COL5A1: variants seen among roughly 807,000 people sequenced by gnomAD.
The protein encoded by COL5A1 is collagen type V alpha 1 chain, also known as collagen alpha-1(V) chain.
A neutral mutation model predicts 263.7 loss-of-function variants in COL5A1; 16 were observed. The observed-to-expected ratio is 0.06, with a 90% confidence interval of 0.04 to 0.09. The LOEUF is 0.09. Ranked by LOEUF, COL5A1 falls within the 10% of genes least tolerant of loss-of-function variation. The pLI is 1.00. For missense variants in COL5A1, 2,036 were observed against 2,540.5 expected (o/e 0.80, Z 4.27); for synonymous variants, 1,012 against 1,004.5 (o/e 1.01, Z -0.14).
At chr9:134,712,041 G>C (rs28503861) in intron 4 of COL5A1, among the ~76,000 whole-genome samples, 1 of 19,566 alleles carries the variant, frequency 5.1e-5, no homozygotes, top group African/African-American at 2.1e-4. Context: ...CCTTCTTCCT[G>C]CCCCCTTCTT....
intron 32 of COL5A1, among the ~76,000 whole-genome samples, chr9:134,792,878 C>T (rs1323699729): frequency 1.7e-4 from 5 of 30,136 alleles, no homozygotes; most frequent in African/African-American, 6.2e-4. Flanking sequence ...CGCGTTTGTG[C>T]ACACGTGTGT....
In COL5A1 at chr9:134,763,737, C is replaced by T. The variant is rs373100663; in HGVS notation, c.2034C>T (p.Pro678=). ...GGCCCAGGGGGCTGCCTGGGGAGCC[C>T]GTAAGTCTGTGAGCTGAGTGGGACG... ...EVGPRGLPGE[P]GPRGLLGPKG... The change falls in exon 20 of 66, where the codon CCC becomes CCT. Residue 678 remains proline (P), a splice_region_variant and synonymous_variant. Transcript: ENST00000371817. 35 of 1,613,312 alleles carry T rather than the reference C, an allele frequency of 2.2e-5. No individual in the cohort carries two copies. The highest frequency in any genetic ancestry group is 4.0e-5 in the African/African-American group (3 of 74,874).
chr9:134,769,362 TG>T (rs1222360786), intron 25 of COL5A1, among the ~76,000 whole-genome samples: 1 of 152,200 alleles, frequency 6.6e-6, no homozygotes, highest in African/African-American at 2.4e-5. Flanking sequence ...CGCGCAGCTG[TG>T]GGGCCCCGTG....
At chr9:134,790,212 A>G (rs1403784846) in intron 32 of COL5A1, among the ~76,000 whole-genome samples, 9 of 152,216 alleles carry the variant, frequency 5.9e-5, no homozygotes, top group Non-Finnish European at 1.0e-4. Context: ...AAAATAGGAA[A>G]AAGAAGTCTG....
At chr9:134,766,063 A>C (rs1836650405) in intron 21 of COL5A1, among the ~76,000 whole-genome samples, 1 of 152,176 alleles carries the variant, frequency 6.6e-6, no homozygotes, top group South Asian at 2.1e-4. Flanking sequence ...TGCTAGAAAG[A>C]ACTTCCAGCA....
chr9:134,655,613 T>G (rs1217598361), intron 1 of COL5A1, among the ~76,000 whole-genome samples: 3 of 152,098 alleles, frequency 2.0e-5, no homozygotes, highest in Non-Finnish European at 4.4e-5. Flanking sequence ...ACTATTACTG[T>G]GTGTCCCAGG....
At chr9:134,760,339 ACACC>A (rs1346680317) in intron 18 of COL5A1, among the ~76,000 whole-genome samples, 2 of 75,472 alleles carry the variant, frequency 2.6e-5, no homozygotes, top group African/African-American at 1.4e-4. Context: ...ACATGCACAC[ACACC>A]CCCACACACC....
chr9:134,702,024 G>A (rs537971125), intron 4 of COL5A1, among the ~76,000 whole-genome samples: 123 of 152,270 alleles, frequency 8.1e-4, no homozygotes, highest in South Asian at 2.7e-3. Context: ...CAGCTGCCCC[G>A]GGTGGGGGCG....
chr9:134,819,103 T>A (rs202198417), intron 57 of COL5A1, 50 bp downstream of exon 57: 3 of 1,591,504 alleles, frequency 1.9e-6, no homozygotes, highest in Non-Finnish European at 2.6e-6. Flanking sequence ...GCCTTCAAAT[T>A]TGTGGCCGTG....
At chr9:134,782,522 C>A in intron 28 of COL5A1, 145 bp from the exon 29 acceptor site, 2 of 802,586 alleles carry the variant, frequency 2.5e-6, no homozygotes, top group Non-Finnish European at 4.5e-6. Context: ...AGGGATGGGC[C>A]CCAAGCCCAC....
chr9:134,841,637 A>AAG lies in COL5A1; in HGVS notation c.5371-520_5371-519insAG, dbSNP rs1830105022. On this transcript the variant is annotated intron_variant, in intron 65 of 65. Transcript: ENST00000371817. This position sits in a 1 kb window ranked among gnomAD's most constrained non-coding sequence, Gnocchi z 4.8. ...ACCCAGCCCACCGAGTGCCTAAGGC[A>AAG]GTGTGTGGCAGGTGGTCGTAGGGGG... Among the ~76,000 whole-genome samples the AAG allele has an allele frequency of 6.6e-6, 1 of 151,992 alleles. No homozygotes were observed. Among genetic ancestry groups the AAG allele is most frequent in the East Asian group, 1.9e-4 (1 of 5,162 alleles).
chr9:134,824,557 C>G, intron 61 of COL5A1, 43 bp from the exon 62 acceptor site: 1 of 1,611,352 alleles, frequency 6.2e-7, no homozygotes, highest in Non-Finnish European at 8.5e-7. Flanking sequence ...TGGGACCCTT[C>G]CCATCCTCCA....
In COL5A1 at chr9:134,678,796, G is replaced by A. The variant is rs1164137198; in HGVS notation, c.110-12116G>A. Among the ~76,000 whole-genome samples the A allele has an allele frequency of 6.6e-6, 1 of 152,244 alleles. No homozygotes were observed. Among genetic ancestry groups the A allele is most frequent in the Non-Finnish European group, 1.5e-5 (1 of 68,038 alleles). ...GGCCGGGCCCTGGGTGAAGGGGCTGGAGCTAAATGCCGTTGGAACTGGGTG... is the reference window on the plus strand; with the variant it reads ...GGCCGGGCCCTGGGTGAAGGGGCTGAAGCTAAATGCCGTTGGAACTGGGTG... On this transcript the variant is annotated intron_variant, in intron 1 of 65. Transcript: ENST00000371817. This position sits in a 1 kb window ranked among gnomAD's most constrained non-coding sequence, Gnocchi z 5.5.
chr9:134,817,858 A>C (rs756665193), intron 54 of COL5A1, 27 bp downstream of exon 54: 1 of 1,577,618 alleles, frequency 6.3e-7, no homozygotes, highest in Non-Finnish European at 8.6e-7. Context: ...CCAGGCTGTG[A>C]CCGCGTAGAC....
chr9:134,813,480 C>T (rs1838618831), intron 48 of COL5A1, among the ~76,000 whole-genome samples: 1 of 152,246 alleles, frequency 6.6e-6, no homozygotes, highest in Non-Finnish European at 1.5e-5. Flanking sequence ...CCTGCTGAGA[C>T]CACAGGGTGA....
chr9:134,760,228 GCA>G (rs1277303489), intron 18 of COL5A1, among the ~76,000 whole-genome samples: 11 of 46,324 alleles, frequency 2.4e-4, no homozygotes, highest in African/African-American at 6.0e-4. Context: ...CACACCACAT[GCA>G]CACACACGCA....
At chr9:134,816,093 T>C in intron 52 of COL5A1, 105 bp downstream of exon 52, 1 of 1,055,342 alleles carries the variant, frequency 9.5e-7, no homozygotes, top group Non-Finnish European at 1.5e-6. Context: ...ACCTAGTTGA[T>C]ATTGATTCCT....
Position 134,821,028 on chromosome 9 carries a change from T to C in COL5A1, c.4554+805T>C, listed in dbSNP as rs7042697. On this transcript the variant is annotated intron_variant, in intron 58 of 65. Coordinates refer to ENST00000371817, the MANE Select transcript of COL5A1 (RefSeq NM_000093.5). The surrounding 1 kb of genome is among the most constrained non-coding windows in gnomAD (Gnocchi z 4.2). ...ACCCTCACTATGGGCCCGGGGAAGG[T>C]TGCAGGACATGGCTGAAGGGTGGAG... 0.58 allele frequency among the ~76,000 whole-genome samples: 88,233 copies of C among 151,852 alleles called. 26,137 individuals carry two copies. Among genetic ancestry groups the C allele is most frequent in the African/African-American group, 0.69 (28,696 of 41,406 alleles).
intron 26 of COL5A1, among the ~76,000 whole-genome samples, chr9:134,774,406 C>T (rs1348458451): frequency 3.3e-5 from 5 of 152,190 alleles, no homozygotes; most frequent in Middle Eastern, 3.2e-3. Flanking sequence ...AGTTGAGCAT[C>T]GGCGAGGCCC....
Sources: gnomAD v4.1 joint callset for allele counts (sites outside exome capture counted in the v4.1 genomes callset) on GRCh38, gnomAD v4.1.1 for gene constraint, Gnocchi (gnomAD v3.1) non-coding constraint, MANE v1.5 for transcripts, NCBI Gene and HGNC (gene_info 2026-07-23, HGNC 2026-07-21) for gene names.